NCAPG2: variants seen among roughly 807,000 people sequenced by gnomAD.
NCAPG2 encodes non-SMC condensin II complex subunit G2.
A neutral mutation model predicts 141.1 loss-of-function variants in NCAPG2; 53 were observed. That is an observed-to-expected ratio of 0.38 (90% CI 0.30 to 0.47). The LOEUF (loss-of-function observed/expected upper bound fraction) is 0.47, where lower values mean the gene tolerates loss of function less well. Among genes scored for constraint, NCAPG2 ranks in the 20% least tolerant of loss-of-function variants. NCAPG2 has a pLI of 0.99. For missense variants in NCAPG2, 1,087 were observed against 1,389.0 expected (o/e 0.78, Z 3.46); for synonymous variants, 499 against 490.7 (o/e 1.02, Z -0.22).
In NCAPG2 at chr7:158,693,202, C is replaced by A. The variant is rs141958052; in HGVS notation, c.267+107G>T. 3 of 1,270,108 alleles carry A rather than the reference C, an allele frequency of 2.4e-6. No homozygotes were observed. In the Admixed American group the frequency reaches 7.6e-5, roughly 32 times the overall value. The allele number at this position is 1,270,108 out of a possible 1,614,324, so 78.7% of individuals were successfully genotyped here. ...ACTAAACTTCTAAAATTCTTGACTTCTAACTTCAAAATCTGTCTTAATGTA... is the reference window on the plus strand; with the variant it reads ...ACTAAACTTCTAAAATTCTTGACTTATAACTTCAAAATCTGTCTTAATGTA... On this transcript the variant is annotated intron_variant, in intron 3 of 27. Coordinates refer to ENST00000356309, the MANE Select transcript of NCAPG2 (RefSeq NM_017760.7).
At chr7:158,677,525 C>CAAAAAAGAAAAAAAAAAAAAAAAAAAAA (rs1834142209) in intron 11 of NCAPG2, among the ~76,000 whole-genome samples, 1 of 90,404 alleles carries the variant, frequency 1.1e-5, no homozygotes, top group Non-Finnish European at 2.1e-5. Context: ...AAAAATAAAG[C>CAAAAAAGAAAAAAAAAAAAAAAAAAAAA]AAAAAAAAAA....
chr7:158,671,144 C>T (rs1326484537), intron 13 of NCAPG2, among the ~76,000 whole-genome samples: 1 of 116,990 alleles, frequency 8.5e-6, no homozygotes, highest in African/African-American at 3.5e-5. Flanking sequence ...GCAGGTGTCT[C>T]CCTCCTTCAC....
intron 2 of NCAPG2, among the ~76,000 whole-genome samples, chr7:158,698,876 C>T (rs1587314220): frequency 6.6e-6 from 1 of 151,822 alleles, no homozygotes; most frequent in East Asian, 1.9e-4. Flanking sequence ...GCCTCAAACT[C>T]CTGGGCTCAA....
At chr7:158,691,746 T>A (rs1835129665) in intron 4 of NCAPG2, among the ~76,000 whole-genome samples, 1 of 152,232 alleles carries the variant, frequency 6.6e-6, no homozygotes, top group Non-Finnish European at 1.5e-5. Flanking sequence ...TCATTTAAAT[T>A]TCAATACAGT....
intron 27 of NCAPG2, among the ~76,000 whole-genome samples, chr7:158,639,570 T>C (rs1022768947): frequency 6.6e-6 from 1 of 152,156 alleles, no homozygotes; most frequent in African/African-American, 2.4e-5. Context: ...ATGCAAGAAA[T>C]TGTAAATTAC....
rs111854956 is a variant in NCAPG2 at position 158,648,616 on chromosome 7, C to T, written c.3076-2053G>A. 2.4e-3 allele frequency among the ~76,000 whole-genome samples: 214 copies of T among 89,030 alleles called. 12 individuals are homozygous for T. Among genetic ancestry groups the T allele is most frequent in the African/African-American group, 3.4e-3 (89 of 26,270 alleles). The allele number at this position is 89,030 out of a possible 152,430, so 58.4% of individuals were successfully genotyped here. ...ATGGACGACAACCACGCCAAATGGA[C>T]GACAACCACGCCAAATGGACCACAA... On this transcript the variant is annotated intron_variant, in intron 24 of 27. Transcript: ENST00000356309.
At chr7:158,643,126 C>CTAA (rs1466382774) in intron 27 of NCAPG2, among the ~76,000 whole-genome samples, 1 of 152,158 alleles carries the variant, frequency 6.6e-6, no homozygotes, top group Non-Finnish European at 1.5e-5. Context: ...CCATGCCCAG[C>CTAA]TAATTTTTGT....
In NCAPG2 at chr7:158,682,516, C is replaced by T. The variant is rs1179804382; in HGVS notation, c.924+784G>A. Among the ~76,000 whole-genome samples, 9 of 152,288 alleles carry T rather than the reference C, an allele frequency of 5.9e-5. No individual in the cohort carries two copies. In the East Asian group the frequency reaches 1.7e-3, roughly 29 times the overall value. On this transcript the variant is annotated intron_variant, in intron 9 of 27. Transcript: ENST00000356309. ...ATGCAAAGAAACATTTTCTTATCCA[C>T]TCAAAATTAATATAATTAGTATATT...
At chr7:158,665,935 G>C (rs1255930335) in intron 13 of NCAPG2, among the ~76,000 whole-genome samples, 1 of 152,156 alleles carries the variant, frequency 6.6e-6, no homozygotes, top group Non-Finnish European at 1.5e-5. Flanking sequence ...TTCTGAAAAA[G>C]TTACTGTAGT....
intron 10 of NCAPG2, 146 bp from the exon 11 acceptor site, chr7:158,680,231 A>C: frequency 1.0e-6 from 1 of 963,232 alleles, no homozygotes; most frequent in Non-Finnish European, 1.5e-6. Context: ...AAATTGACCA[A>C]ACATTGCTCA....
At chr7:158,669,775 A>G (rs1833559187) in intron 13 of NCAPG2, among the ~76,000 whole-genome samples, 1 of 145,204 alleles carries the variant, frequency 6.9e-6, no homozygotes, top group Admixed American at 6.8e-5. Context: ...TCTCAAAAAA[A>G]AAAAAAAAAA....
chr7:158,648,393 GA>G (rs926752759), intron 24 of NCAPG2, among the ~76,000 whole-genome samples: 41 of 138,276 alleles, frequency 3.0e-4, no homozygotes, highest in African/African-American at 7.5e-4. Context: ...TGACAGGAAA[GA>G]AAAAAAAACA....
intron 14 of NCAPG2, 22 bp downstream of exon 14, chr7:158,664,506 G>C: frequency 1.2e-6 from 2 of 1,606,964 alleles, no homozygotes; most frequent in Non-Finnish European, 1.7e-6. Flanking sequence ...AACAAGAACT[G>C]AGAAATAACA....
rs932071200 is a variant in NCAPG2, at chr7:158,650,950, G to A, written c.2957C>T (p.Pro986Leu). ...AACAGCAGTAATGAACTCATGAAGA[G>A]GCCTCTGAACAGAATAAAGCAGCTA... ...GLRLLYSVQR[P>L]LHEFITAVQS... The change falls in exon 24 of 28, where the codon CCT becomes CTT. Residue 986 changes from proline to leucine, a missense_variant. By Grantham distance (98) the Pro-to-Leu change is moderately conservative. Coordinates refer to ENST00000356309, the MANE Select transcript of NCAPG2 (RefSeq NM_017760.7). The A allele has an allele frequency of 2.5e-6, 4 of 1,611,994 alleles. No homozygotes were observed. Among genetic ancestry groups the A allele is most frequent in the Non-Finnish European group, 3.4e-6 (4 of 1,179,224 alleles).
chr7:158,660,226 G>T (rs779053980), intron 16 of NCAPG2, among the ~76,000 whole-genome samples: 4 of 152,014 alleles, frequency 2.6e-5, no homozygotes, highest in African/African-American at 9.7e-5. Context: ...TAGTGGTGGA[G>T]AGACTTCTTA....
In NCAPG2 at chr7:158,631,531, C is replaced by T. The variant is rs948117363; in HGVS notation, c.*135G>A. Reference sequence around the variant, plus strand: ...TATCTCCTCCATAACCCCCACCTTCCCACATTCCCACAAAAAAATCCCACC... The same window carrying T: ...TATCTCCTCCATAACCCCCACCTTCTCACATTCCCACAAAAAAATCCCACC... On this transcript the variant is annotated 3_prime_UTR_variant, in exon 28 of 28. Coordinates refer to ENST00000356309, the MANE Select transcript of NCAPG2 (RefSeq NM_017760.7). 4.6e-6 allele frequency: 4 copies of T among 867,300 alleles called. No homozygotes were observed. Among genetic ancestry groups the T allele is most frequent in the Non-Finnish European group, 5.7e-6 (3 of 528,424 alleles). 53.7% of individuals were successfully genotyped at this position (867,300 alleles called of 1,614,324 possible).
chr7:158,682,902 C>A (rs1834530312), intron 9 of NCAPG2, among the ~76,000 whole-genome samples: 1 of 152,002 alleles, frequency 6.6e-6, no homozygotes, highest in Non-Finnish European at 1.5e-5. Flanking sequence ...AACAAAATAT[C>A]AAAAGAAACA....
intron 24 of NCAPG2, among the ~76,000 whole-genome samples, chr7:158,647,950 G>C (rs1831152239): frequency 6.6e-6 from 1 of 152,142 alleles, no homozygotes; most frequent in Non-Finnish European, 1.5e-5. Flanking sequence ...CTCCCAAAGT[G>C]TTGGGATTAT....
At chr7:158,663,067 G>A (rs1388176192) in intron 15 of NCAPG2, among the ~76,000 whole-genome samples, 2 of 152,196 alleles carry the variant, frequency 1.3e-5, no homozygotes, top group African/African-American at 2.4e-5. Flanking sequence ...CGCTGTCAAC[G>A]CGGCAAGCCA....
Sources: gnomAD v4.1 joint callset for allele counts (sites outside exome capture counted in the v4.1 genomes callset) on GRCh38, gnomAD v4.1.1 for gene constraint, MANE v1.5 for transcripts, NCBI Gene and HGNC (gene_info 2026-07-23, HGNC 2026-07-21) for gene names.